Variants in CNOT6L observed in about 807,000 individuals in gnomAD.
CNOT6L encodes CCR4-NOT transcription complex subunit 6-like.
CNOT6L carries 7 observed loss-of-function variants against 64.0 expected under a neutral mutation model. That is an observed-to-expected ratio of 0.11 (90% confidence interval 0.06 to 0.21). The LOEUF (loss-of-function observed/expected upper bound fraction) is 0.21. CNOT6L is among the 10% of genes least tolerant of loss of function. CNOT6L has a pLI of 1.00. For missense variants in CNOT6L, 245 were observed against 669.0 expected (o/e 0.37, Z 6.99); for synonymous variants, 193 against 243.4 (o/e 0.79, Z 1.93).
At chr4:77,798,656 G>T (rs1577998743) in intron 1 of CNOT6L, among the ~76,000 whole-genome samples, 1 of 152,090 alleles carries the variant, frequency 6.6e-6, no homozygotes, top group African/African-American at 2.4e-5. Flanking sequence ...AATGCAAAAT[G>T]CTACAACTTT....
At chr4:77,779,046 C>CAAAAAAAAAAAAAAAA (rs747920305) in intron 1 of CNOT6L, among the ~76,000 whole-genome samples, 10 of 67,118 alleles carry the variant, frequency 1.5e-4, no homozygotes, top group Non-Finnish European at 2.0e-4. Flanking sequence ...GACTCTGTCT[C>CAAAAAAAAAAAAAAAA]AAAAAAAAAA....
At chr4:77,793,447 G>C (rs1730410387) in intron 1 of CNOT6L, among the ~76,000 whole-genome samples, 1 of 152,144 alleles carries the variant, frequency 6.6e-6, no homozygotes, top group Non-Finnish European at 1.5e-5. Flanking sequence ...CTTTATTTTA[G>C]AGTGGCATAA....
At chr4:77,755,228 T>G (rs1462150196) in intron 5 of CNOT6L, among the ~76,000 whole-genome samples, 3 of 4,148 alleles carry the variant, frequency 7.2e-4, no homozygotes, top group South Asian at 6.0e-3. Flanking sequence ...CAAGAGTTTT[T>G]TTTTTTTTTT....
At position 77,717,740 on chromosome 4, in the gene CNOT6L, TACAAAGGGA is replaced by T. The variant is rs1160103542; in HGVS notation, c.*2682_*2690del. 9 of 152,524 alleles carry T rather than the reference TACAAAGGGA, an allele frequency of 5.9e-5. No homozygotes were observed. Among genetic ancestry groups the T allele is most frequent in the Non-Finnish European group, 1.0e-4 (7 of 68,016 alleles). 9.4% of individuals were successfully genotyped at this position (152,524 alleles called of 1,614,324 possible). ...AGCTCAAAACAGATACCACTCCTTT[TACAAAGGGA>T]ACAAAGGGTGAAGGGTATGTGAAAT... On this transcript the variant is annotated 3_prime_UTR_variant, in exon 12 of 12. Coordinates refer to ENST00000504123, the MANE Select transcript of CNOT6L (RefSeq NM_144571.3).
intron 1 of CNOT6L, among the ~76,000 whole-genome samples, chr4:77,798,178 T>C (rs1369820132): frequency 3.3e-5 from 5 of 151,980 alleles, no homozygotes; most frequent in Admixed American, 3.3e-4. Flanking sequence ...TAATACAAAA[T>C]CAGCCAGGAG....
intron 7 of CNOT6L, among the ~76,000 whole-genome samples, chr4:77,744,486 T>G (rs1468989201): frequency 2.6e-5 from 4 of 152,182 alleles, no homozygotes; most frequent in Non-Finnish European, 5.9e-5. Flanking sequence ...TTATTTCCAC[T>G]TAAGAAAACA....
At chr4:77,817,656 A>G (rs1249516444) in intron 1 of CNOT6L, among the ~76,000 whole-genome samples, 10 of 152,276 alleles carry the variant, frequency 6.6e-5, no homozygotes, top group Admixed American at 2.6e-4. Context: ...CTGTAAAACA[A>G]GTCCTTTTCC....
chr4:77,773,166 C>T lies in CNOT6L; in HGVS notation c.315G>A (p.Arg105=). The change falls in exon 4 of 12, where the codon AGG becomes AGA. Residue 105 remains arginine (R), a splice_region_variant and synonymous_variant. Coordinates refer to ENST00000504123, the MANE Select transcript of CNOT6L (RefSeq NM_144571.3). The part of the protein sequence containing the change: ...PAELGNMVSL[R]ELLLNNNLLR... Reference sequence around the variant, plus strand: ...ACAGATTGTTATTTAAAAGCAATTCCCTGTTTTAAAAAAAAAAAAAAAATT... The same window carrying T: ...ACAGATTGTTATTTAAAAGCAATTCTCTGTTTTAAAAAAAAAAAAAAAATT... The T allele has an allele frequency of 6.5e-7, 1 of 1,550,258 alleles. No homozygotes were observed. The highest frequency in any genetic ancestry group is 1.2e-5 in the South Asian group (1 of 81,320).
chr4:77,779,063 C>CAAAAAAAAAAAA (rs879638003), intron 1 of CNOT6L, among the ~76,000 whole-genome samples: 2 of 71,272 alleles, frequency 2.8e-5, no homozygotes, highest in South Asian at 4.4e-4. Flanking sequence ...AAAAAAAAAA[C>CAAAAAAAAAAAA]AAAAAAAAAA....
intron 1 of CNOT6L, among the ~76,000 whole-genome samples, chr4:77,818,650 A>T (rs1247524640): frequency 6.6e-6 from 1 of 152,106 alleles, no homozygotes; most frequent in African/African-American, 2.4e-5. Flanking sequence ...GAACGCCAAA[A>T]TAAGCCTTCG....
intron 1 of CNOT6L, among the ~76,000 whole-genome samples, chr4:77,807,994 A>T (rs1732449674): frequency 6.6e-6 from 1 of 152,192 alleles, no homozygotes; most frequent in African/African-American, 2.4e-5. Flanking sequence ...CTGCATCCAG[A>T]CTGATTTGGC....
At chr4:77,728,756 T>A (rs1267380421) in intron 10 of CNOT6L, 98 bp downstream of exon 10, 2 of 868,260 alleles carry the variant, frequency 2.3e-6, no homozygotes, top group Non-Finnish European at 3.8e-6. Flanking sequence ...TTATGATACA[T>A]TCCTTAATTT....
At chr4:77,766,763 C>T (rs1726874823) in intron 4 of CNOT6L, among the ~76,000 whole-genome samples, 1 of 150,876 alleles carries the variant, frequency 6.6e-6, no homozygotes, top group African/African-American at 2.4e-5. Flanking sequence ...AAGAAAAAAC[C>T]TTAAAAAATA....
chr4:77,740,595 G>A (rs1193065321), intron 8 of CNOT6L, among the ~76,000 whole-genome samples: 1 of 152,160 alleles, frequency 6.6e-6, no homozygotes, highest in Non-Finnish European at 1.5e-5. Flanking sequence ...GGAAATAGCT[G>A]TATAGCTGCC....
rs927145051 is a variant in CNOT6L, at chr4:77,801,694, G to GGA, written c.5+17609_5+17610insTC. 2.8e-3 allele frequency among the ~76,000 whole-genome samples: 386 copies of GGA among 135,836 alleles called. 66 individuals carry two copies. Among genetic ancestry groups the GGA allele is most frequent in the Admixed American group, 0.012 (167 of 13,502 alleles). 89.1% of individuals were successfully genotyped at this position (135,836 alleles called of 152,430 possible). On this transcript the variant is annotated intron_variant, in intron 1 of 11. Coordinates refer to ENST00000504123, the MANE Select transcript of CNOT6L (RefSeq NM_144571.3). ...ATTTTACCAGAAGATAAAAATTGGGGGGGGGGGAGAATGAAACATTTTATA... is the reference window on the plus strand; with the variant it reads ...ATTTTACCAGAAGATAAAAATTGGGGGAGGGGGGGAGAATGAAACATTTTATA...
chr4:77,809,458 C>A (rs1732646578), intron 1 of CNOT6L, among the ~76,000 whole-genome samples: 1 of 152,116 alleles, frequency 6.6e-6, no homozygotes, highest in Non-Finnish European at 1.5e-5. Context: ...GATTCAAATT[C>A]TGACAGTGTT....
At chr4:77,819,194 C>T in intron 1 of CNOT6L, 110 bp downstream of exon 1, 1 of 1,606,136 alleles carries the variant, frequency 6.2e-7, no homozygotes, top group South Asian at 1.1e-5. Flanking sequence ...GCCAAAGTCC[C>T]AACTCGCACA....
At chr4:77,775,465 A>G (rs566815375) in intron 2 of CNOT6L, among the ~76,000 whole-genome samples, 48 of 152,344 alleles carry the variant, frequency 3.2e-4, no homozygotes, top group African/African-American at 1.1e-3. Flanking sequence ...AAAGTTACCA[A>G]GATAACACAG....
At chr4:77,751,658 T>A (rs1374827294) in intron 5 of CNOT6L, among the ~76,000 whole-genome samples, 1 of 152,148 alleles carries the variant, frequency 6.6e-6, no homozygotes, top group Non-Finnish European at 1.5e-5. Flanking sequence ...AGAAATAGCA[T>A]ATTACCTATA....
Sources: allele counts gnomAD v4.1 joint callset (sites outside exome capture counted in the v4.1 genomes callset), GRCh38; gene constraint gnomAD v4.1.1; transcripts MANE v1.5; gene names NCBI Gene and HGNC (gene_info 2026-07-23, HGNC 2026-07-21).